Variants in MAF observed in about 807,000 individuals in gnomAD.
The protein encoded by MAF is MAF bZIP transcription factor.
In MAF, 10 loss-of-function variants were observed where a neutral mutation model predicts 22.0. The observed-to-expected ratio is 0.45, with a 90% CI of 0.28 to 0.77. The LOEUF (loss-of-function observed/expected upper bound fraction) is 0.77, where lower values mean the gene tolerates loss of function less well. Ranked by LOEUF, MAF falls within the 30% of genes least tolerant of loss-of-function variation. The pLI is 0.12. For synonymous variants in MAF, 337 were observed against 255.8 expected, an observed-to-expected ratio of 1.32 and a Z score of -3.03; for missense variants, 544 against 548.4, an observed-to-expected ratio of 0.99 and a Z score of 0.08.
the MAF span, among the ~76,000 whole-genome samples, chr16:79,389,759 G>C: frequency 6.6e-6 from 1 of 151,682 alleles, no homozygotes; most frequent in Non-Finnish European, 1.5e-5. Context: ...GGCGGATCAC[G>C]AGGTCAAGAA....
chr16:79,476,776 G>A, the MAF span, among the ~76,000 whole-genome samples: 1 of 152,212 alleles, frequency 6.6e-6, no homozygotes, highest in African/African-American at 2.4e-5. Context: ...CATGGTACCA[G>A]GCTGCTGTCA....
the MAF span, among the ~76,000 whole-genome samples, chr16:79,561,021 T>C: frequency 6.6e-5 from 10 of 152,316 alleles, no homozygotes; most frequent in African/African-American, 2.4e-4. Context: ...TCCTGCCGTC[T>C]ACAGCTGCAA....
chr16:79,533,437 T>C, the MAF span, among the ~76,000 whole-genome samples: 3 of 152,190 alleles, frequency 2.0e-5, no homozygotes, highest in Non-Finnish European at 4.4e-5. Flanking sequence ...CTTGCTGCTC[T>C]AAACCCCAAT....
chr16:79,311,138 T>C, the MAF span, among the ~76,000 whole-genome samples: 2 of 152,018 alleles, frequency 1.3e-5, no homozygotes, highest in African/African-American at 4.8e-5. Flanking sequence ...GTTCCCTTCC[T>C]TCGCCAGGCT....
chr16:79,210,864 C>A, the MAF span, among the ~76,000 whole-genome samples: 1 of 152,186 alleles, frequency 6.6e-6, no homozygotes, highest in African/African-American at 2.4e-5. Context: ...AAGTGATCAG[C>A]TGCACTCTTT....
At chr16:79,333,889 C>G in the MAF span, among the ~76,000 whole-genome samples, 1 of 151,550 alleles carries the variant, frequency 6.6e-6, no homozygotes, top group Non-Finnish European at 1.5e-5. Flanking sequence ...TCTGGTGATA[C>G]CACCACATGC....
At chr16:79,350,583 G>A in the MAF span, among the ~76,000 whole-genome samples, 1 of 152,098 alleles carries the variant, frequency 6.6e-6, no homozygotes. Flanking sequence ...CATCCCTCCA[G>A]GCCCCACGCT....
the MAF span, among the ~76,000 whole-genome samples, chr16:79,402,659 G>C: frequency 1.3e-5 from 2 of 152,238 alleles, no homozygotes; most frequent in African/African-American, 4.8e-5. Context: ...CAGGGGTGCG[G>C]TTGGATAAAG....
the MAF span, among the ~76,000 whole-genome samples, chr16:79,430,009 T>A: frequency 2.0e-5 from 3 of 152,116 alleles, no homozygotes. Context: ...ACCCTGGAGT[T>A]CTGGGCTGGG....
Position 79,599,065 on chromosome 16 carries a change from C to G in MAF, c.838G>C (p.Gly280Arg). 6.2e-7 allele frequency: 1 copy of G among 1,611,632 alleles called. No individual in the cohort carries two copies. The highest frequency in any genetic ancestry group is 8.5e-7 in the Non-Finnish European group (1 of 1,179,840). ...SVRELNRQLR[G>R]VSKEEVIRLK... Reference sequence around the variant, plus strand: ...CGGATCACCTCCTCCTTGCTGACCCCGCGCAGCTGCCGGTTCAGCTCGCGC... The same window carrying G: ...CGGATCACCTCCTCCTTGCTGACCCGGCGCAGCTGCCGGTTCAGCTCGCGC... The change falls in exon 1 of 2, where the codon GGG becomes CGG. Residue 280 changes from glycine (G) to arginine (R), a missense_variant. This residue lies in a region of MAF where 342 missense variants were observed against 315.5 expected (regional missense o/e 1.08). Transcript: ENST00000326043.
chr16:79,222,518 AAG>A, the MAF span, among the ~76,000 whole-genome samples: 3 of 152,084 alleles, frequency 2.0e-5, no homozygotes, highest in African/African-American at 7.2e-5. Flanking sequence ...TAATAAAAAA[AAG>A]AAAACAATAT....
the MAF span, among the ~76,000 whole-genome samples, chr16:79,424,962 A>T: frequency 6.6e-6 from 1 of 152,122 alleles, no homozygotes; most frequent in Non-Finnish European, 1.5e-5. Flanking sequence ...CCACCCAGAA[A>T]GGACACTGCT....
At chr16:79,259,667 C>A in the MAF span, among the ~76,000 whole-genome samples, 1 of 152,064 alleles carries the variant, frequency 6.6e-6, no homozygotes, top group East Asian at 1.9e-4. Flanking sequence ...AATTTGCTTC[C>A]CCAGAGAAGA....
the MAF span, among the ~76,000 whole-genome samples, chr16:79,394,159 A>G: frequency 1.3e-5 from 2 of 152,326 alleles, no homozygotes; most frequent in East Asian, 3.9e-4. Flanking sequence ...TCCAGAGAGA[A>G]GAAGAGACAT....
Position 79,599,217 on chromosome 16 carries a change from C to T in MAF, c.686G>A (p.Gly229Asp). Residue 229 changes from glycine (G) to aspartate (D), a missense_variant, in exon 1 of 2, where the codon GGC becomes GAC. Coordinates refer to ENST00000326043, the MANE Select transcript of MAF (RefSeq NM_005360.5). Reference sequence around the variant, plus strand: ...CCCGCCGCCTCCGCCGCCGCCGCCGCCGCCGCCGCCCCCAGCGCTGGCCGG... The same window carrying T: ...CCCGCCGCCTCCGCCGCCGCCGCCGTCGCCGCCGCCCCCAGCGCTGGCCGG... ...GGPASAGGGGGGGGGGGGGGA... is the reference protein window; with the variant it reads ...GGPASAGGGGDGGGGGGGGGA... 1 of 978,722 alleles carries T rather than the reference C, an allele frequency of 1.0e-6. No homozygotes were observed. The highest frequency in any genetic ancestry group is 1.2e-6 in the Non-Finnish European group (1 of 827,142). The allele number at this position is 978,722 out of a possible 1,614,324, so 60.6% of individuals were successfully genotyped here.
the MAF span, among the ~76,000 whole-genome samples, chr16:79,476,925 C>T: frequency 1.1e-4 from 17 of 152,070 alleles, no homozygotes; most frequent in African/African-American, 3.1e-4. Context: ...CTTTGAGAGT[C>T]GCGTTATCAT....
At chr16:79,479,513 C>A in the MAF span, among the ~76,000 whole-genome samples, 1 of 152,212 alleles carries the variant, frequency 6.6e-6, no homozygotes, top group East Asian at 1.9e-4. Flanking sequence ...GCGGGGCCAT[C>A]ACTGCAAGCT....
chr16:79,490,150 C>A, the MAF span, among the ~76,000 whole-genome samples: 1 of 152,116 alleles, frequency 6.6e-6, no homozygotes, highest in African/African-American at 2.4e-5. Flanking sequence ...TAAAAAGGGC[C>A]AACGATGACC....
the MAF span, among the ~76,000 whole-genome samples, chr16:79,433,843 T>C: frequency 6.6e-6 from 1 of 152,216 alleles, no homozygotes; most frequent in African/African-American, 2.4e-5. Flanking sequence ...GTTTCCTTTG[T>C]AATAAATCAG....
Sources: allele counts gnomAD v4.1 joint callset (sites outside exome capture counted in the v4.1 genomes callset), GRCh38; gene constraint gnomAD v4.1.1; regional missense constraint gnomAD v4.1.1; transcripts MANE v1.5; gene names NCBI Gene and HGNC (gene_info 2026-07-23, HGNC 2026-07-21).